Variants in GPRC5A observed in about 807,000 individuals in gnomAD.
GPRC5A encodes the protein retinoic acid-induced protein 3.
A neutral mutation model predicts 22.5 loss-of-function variants in GPRC5A; 19 were observed. That is an observed-to-expected ratio of 0.85 (90% CI 0.59 to 1.24). The LOEUF is 1.24. Ranked by LOEUF, GPRC5A falls within the 50% of genes most tolerant of loss-of-function variation. GPRC5A has a pLI of 0.00. For synonymous variants in GPRC5A, 192 were observed against 184.5 expected, an observed-to-expected ratio of 1.04 and a Z score of -0.33; for missense variants, 471 against 451.1, an observed-to-expected ratio of 1.04 and a Z score of -0.40.
At position 12,916,055 on chromosome 12, in the gene GPRC5A, G is replaced by T. The variant is rs1864061269; in HGVS notation, c.*3516G>T. 7.6e-6 allele frequency: 2 copies of T among 263,738 alleles called. No homozygotes were observed. Among genetic ancestry groups the T allele is most frequent in the Non-Finnish European group, 8.3e-6 (1 of 120,252 alleles). The allele number at this position is 263,738 out of a possible 1,614,324, so 16.3% of individuals were successfully genotyped here. On this transcript the variant is annotated 3_prime_UTR_variant, in exon 4 of 4. Transcript: ENST00000014914. ...TTACTCTTTCTTTTCTTTGGAGAGG[G>T]TACCAAAGGATAGCTGTTCTGTTTA...
At chr12:12,900,405 A>G (rs1592348230) in intron 1 of GPRC5A, among the ~76,000 whole-genome samples, 1 of 152,152 alleles carries the variant, frequency 6.6e-6, no homozygotes, top group Non-Finnish European at 1.5e-5. Context: ...TTTATAGATG[A>G]GAGGAGGCTT....
rs144098100 is a variant in GPRC5A at position 12,909,084 on chromosome 12, G to A, written c.835G>A (p.Val279Ile). The change falls in exon 2 of 4, where the codon GTT becomes ATT. Residue 279 changes from valine to isoleucine, a missense_variant. Physicochemically the swap from Val to Ile is conservative, Grantham distance 29 (BLOSUM62 3). Transcript: ENST00000014914. ...GCAACGAAACCCCATGGATTATCCT[G>A]TTGAGGATGCTTTCTGTAAACCTCA... ...TKQRNPMDYP[V>I]EDAFCKPQLV... The A allele has an allele frequency of 1.0e-5, 16 of 1,604,884 alleles. No homozygotes were observed. The highest frequency in any genetic ancestry group is 1.4e-5 in the Non-Finnish European group (16 of 1,179,816).
At chr12:12,895,704 G>A (rs1984437) in intron 1 of GPRC5A, among the ~76,000 whole-genome samples, 65,173 of 150,502 alleles carry the variant, frequency 0.43, 16,261 homozygotes, top group Non-Finnish European at 0.55. Context: ...GAGGGCCGGC[G>A]CGGTGGCTCA....
chr12:12,905,429 G>A (rs375851166), intron 1 of GPRC5A, among the ~76,000 whole-genome samples: 6 of 151,864 alleles, frequency 4.0e-5, no homozygotes, highest in Non-Finnish European at 7.4e-5. Flanking sequence ...TTATTGCCAC[G>A]TGAACAATCT....
intron 2 of GPRC5A, among the ~76,000 whole-genome samples, chr12:12,910,893 C>T (rs763164680): frequency 3.6e-5 from 5 of 139,586 alleles, no homozygotes; most frequent in Non-Finnish European, 7.6e-5. Context: ...TTTTTTGAGA[C>T]AGAGTCTCGC....
At chr12:12,900,663 C>T (rs997193728) in intron 1 of GPRC5A, among the ~76,000 whole-genome samples, 4 of 151,830 alleles carry the variant, frequency 2.6e-5, no homozygotes, top group South Asian at 2.1e-4. Flanking sequence ...TTTGGGAGGC[C>T]GAGGCGGGCC....
At chr12:12,901,590 T>C (rs977087673) in intron 1 of GPRC5A, among the ~76,000 whole-genome samples, 2 of 151,978 alleles carry the variant, frequency 1.3e-5, no homozygotes, top group African/African-American at 4.8e-5. Context: ...GCTAGGCAAG[T>C]GGCTGGGGAG....
Position 12,910,382 on chromosome 12 carries a change from G to A in GPRC5A, c.922+1211G>A, listed in dbSNP as rs116927851. ...CCATCACCTCACTCCTGTACTTCCTGTTCTCATTCACTGATGAGTCTTCCT... is the reference window on the plus strand; with the variant it reads ...CCATCACCTCACTCCTGTACTTCCTATTCTCATTCACTGATGAGTCTTCCT... On this transcript the variant is annotated intron_variant, in intron 2 of 3. Coordinates refer to ENST00000014914, the MANE Select transcript of GPRC5A (RefSeq NM_003979.4). Among the ~76,000 whole-genome samples the A allele has an allele frequency of 1.8e-3, 270 of 152,164 alleles. 3 individuals are homozygous for A. In the East Asian group the frequency reaches 0.041, roughly 23 times the overall value.
chr12:12,906,526 T>C (rs545425068), intron 1 of GPRC5A, among the ~76,000 whole-genome samples: 16 of 152,028 alleles, frequency 1.1e-4, no homozygotes, highest in Non-Finnish European at 1.6e-4. Flanking sequence ...TGGGTCGAGA[T>C]CCAGCCTGGG....
intron 1 of GPRC5A, among the ~76,000 whole-genome samples, chr12:12,899,170 G>A (rs1026475693): frequency 6.6e-6 from 1 of 152,102 alleles, no homozygotes; most frequent in Non-Finnish European, 1.5e-5. Flanking sequence ...GGGATCACAG[G>A]TGTGATCCTG....
In GPRC5A at chr12:12,912,591, G is replaced by A; in HGVS notation, c.*52G>A. 1 of 1,078,336 alleles carries A rather than the reference G, an allele frequency of 9.3e-7. No individual in the cohort carries two copies. The highest frequency in any genetic ancestry group is 1.4e-6 in the Non-Finnish European group (1 of 692,922). The allele number at this position is 1,078,336 out of a possible 1,614,324, so 66.8% of individuals were successfully genotyped here. A position where few individuals can be genotyped will look rare whatever the true frequency, so the allele number is the denominator to read the frequency against. ...CAGCCGGGCGGCAGATCTAGCGGGA[G>A]CTCAAAGGGATGTGGGCGAAATCTT... On this transcript the variant is annotated 3_prime_UTR_variant, in exon 4 of 4. Transcript: ENST00000014914.
chr12:12,904,469 G>C (rs905589075), intron 1 of GPRC5A, among the ~76,000 whole-genome samples: 2 of 152,092 alleles, frequency 1.3e-5, no homozygotes, highest in East Asian at 3.9e-4. Flanking sequence ...GAAGGCGGTG[G>C]GAGGCCCATG....
In GPRC5A at chr12:12,908,685, G is replaced by A. The variant is rs769617826; in HGVS notation, c.436G>A (p.Asp146Asn). The change falls in exon 2 of 4, where the codon GAT (aspartate) becomes AAT (asparagine). Residue 146 changes from aspartate to asparagine, a missense_variant. Transcript: ENST00000014914. ...GLAVGFSLVQ[D>N]VIAIEYIVLT... ...GGCCGTGGGCTTCAGCCTAGTCCAGGATGTTATCGCTATTGAATATATTGT... is the reference window on the plus strand; with the variant it reads ...GGCCGTGGGCTTCAGCCTAGTCCAGAATGTTATCGCTATTGAATATATTGT... The A allele has an allele frequency of 6.2e-6, 10 of 1,613,922 alleles. No individual in the cohort carries two copies. The highest frequency in any genetic ancestry group is 1.7e-6 in the Non-Finnish European group (2 of 1,179,928).
At chr12:12,893,462 G>T (rs116823865) in intron 1 of GPRC5A, among the ~76,000 whole-genome samples, 107 of 152,274 alleles carry the variant, frequency 7.0e-4, no homozygotes, top group African/African-American at 2.5e-3. Flanking sequence ...GAGTATTTTT[G>T]CTTGAGGAAT....
At chr12:12,908,005 A>G (rs1483873415) in intron 1 of GPRC5A, among the ~76,000 whole-genome samples, 1 of 152,198 alleles carries the variant, frequency 6.6e-6, no homozygotes, top group African/African-American at 2.4e-5. Context: ...AAATATTAAT[A>G]TAGTTAAACT....
At chr12:12,898,196 G>A (rs1334367959) in intron 1 of GPRC5A, among the ~76,000 whole-genome samples, 1 of 152,180 alleles carries the variant, frequency 6.6e-6, no homozygotes, top group African/African-American at 2.4e-5. Context: ...TTCCTCAGCT[G>A]TTAAAGGAAG....
At chr12:12,905,199 G>T (rs768396460) in intron 1 of GPRC5A, among the ~76,000 whole-genome samples, 2 of 152,058 alleles carry the variant, frequency 1.3e-5, no homozygotes, top group Non-Finnish European at 2.9e-5. Context: ...TGTTTTTTCC[G>T]AGCTGTTTTT....
At chr12:12,907,325 C>T (rs1430655313) in intron 1 of GPRC5A, among the ~76,000 whole-genome samples, 6 of 143,782 alleles carry the variant, frequency 4.2e-5, no homozygotes, top group Admixed American at 2.3e-4. Flanking sequence ...CACTTGAGCC[C>T]GGGAGGCGGA....
At chr12:12,899,930 G>A (rs1292230787) in intron 1 of GPRC5A, among the ~76,000 whole-genome samples, 1 of 152,200 alleles carries the variant, frequency 6.6e-6, no homozygotes, top group Non-Finnish European at 1.5e-5. Context: ...CTCTGGGAAG[G>A]ACTGCGTAGA....
Sources: allele counts gnomAD v4.1 joint callset (sites outside exome capture counted in the v4.1 genomes callset), GRCh38; gene constraint gnomAD v4.1.1; transcripts MANE v1.5; gene names NCBI Gene and HGNC (gene_info 2026-07-23, HGNC 2026-07-21).